The following SORCS2 variants were observed in gnomAD, a reference collection of about 807,000 sequenced individuals.
The protein encoded by SORCS2 is VPS10 domain-containing receptor SorCS2.
SORCS2 carries 100 observed loss-of-function variants against 141.6 expected under a neutral mutation model. That is an observed-to-expected ratio of 0.71 (90% confidence interval 0.60 to 0.83). SORCS2 has a LOEUF of 0.83. Ranked by LOEUF, SORCS2 falls within the 40% of genes least tolerant of loss-of-function variation. SORCS2 has a pLI of 0.00. For synonymous variants in SORCS2, 789 were observed against 676.9 expected, an observed-to-expected ratio of 1.17 and a Z score of -2.57; for missense variants, 1,646 against 1,560.2, an observed-to-expected ratio of 1.05 and a Z score of -0.93.
chr4:7,639,943 T>C (rs6832245), intron 4 of SORCS2, among the ~76,000 whole-genome samples: 1,238 of 14,816 alleles, frequency 0.084, 7 homozygotes, highest in East Asian at 0.27. Flanking sequence ...ATGTCTGTGT[T>C]TGTGAGAATG....
intron 1 of SORCS2, among the ~76,000 whole-genome samples, chr4:7,302,965 G>T (rs1007708037): frequency 6.6e-6 from 1 of 152,186 alleles, no homozygotes; most frequent in Non-Finnish European, 1.5e-5. Flanking sequence ...CGTGGGGGCC[G>T]CAGCCAAGCG....
chr4:7,666,354 A>G (rs79724072), intron 7 of SORCS2, among the ~76,000 whole-genome samples: 4,081 of 152,234 alleles, frequency 0.027, 170 homozygotes, highest in African/African-American at 0.091. Context: ...GGTGGGGGCC[A>G]CCGACTCCAT....
chr4:7,399,178 G>A (rs1232516684), intron 2 of SORCS2, among the ~76,000 whole-genome samples: 1 of 151,946 alleles, frequency 6.6e-6, no homozygotes, highest in Non-Finnish European at 1.5e-5. Context: ...TGGGACTCAC[G>A]CCGGAAGATG....
At chr4:7,469,267 G>A (rs1185558027) in intron 2 of SORCS2, among the ~76,000 whole-genome samples, 4 of 151,612 alleles carry the variant, frequency 2.6e-5, no homozygotes, top group Non-Finnish European at 4.4e-5. Flanking sequence ...GGTAATGGTG[G>A]TGTTGGTGAT....
At chr4:7,254,290 T>C (rs1349143415) in intron 1 of SORCS2, among the ~76,000 whole-genome samples, 1 of 152,192 alleles carries the variant, frequency 6.6e-6, no homozygotes, top group African/African-American at 2.4e-5. Flanking sequence ...CCATGATGAA[T>C]GGATAAAGGA....
chr4:7,433,282 G>C, intron 2 of SORCS2: 1 of 1,355,678 alleles, frequency 7.4e-7, no homozygotes, highest in Non-Finnish European at 9.5e-7. Flanking sequence ...CATGGGCCTC[G>C]CTAGCAGGCT....
chr4:7,687,322 G>A (rs182906115), intron 10 of SORCS2, among the ~76,000 whole-genome samples: 5 of 152,270 alleles, frequency 3.3e-5, no homozygotes, highest in East Asian at 1.9e-4. Context: ...TCAGCAAGTC[G>A]CCTCTGTCTT....
chr4:7,405,987 C>G (rs9994727), intron 2 of SORCS2, among the ~76,000 whole-genome samples: 58,675 of 151,782 alleles, frequency 0.39, 12,186 homozygotes, highest in East Asian at 0.51. Context: ...TTGTATATAG[C>G]CTTTATTATT....
At chr4:7,501,238 C>T (rs1463274110) in intron 2 of SORCS2, among the ~76,000 whole-genome samples, 3 of 152,334 alleles carry the variant, frequency 2.0e-5, no homozygotes, top group East Asian at 1.9e-4. Flanking sequence ...CCCACGCCCT[C>T]GTGGGCCAGT....
chr4:7,403,985 ATATATATATATATTTTTTT>A (rs1318459532), intron 2 of SORCS2, among the ~76,000 whole-genome samples: 1 of 70,122 alleles, frequency 1.4e-5, no homozygotes, highest in African/African-American at 7.5e-5. Context: ...ATATATATAT[ATATATATATATATTTTTTT>A]TTTTTTTTTA....
intron 1 of SORCS2, among the ~76,000 whole-genome samples, chr4:7,265,654 T>G (rs1385614911): frequency 6.6e-6 from 1 of 152,184 alleles, no homozygotes; most frequent in Non-Finnish European, 1.5e-5. Flanking sequence ...CCCTGTCTTC[T>G]TGTCTGTGTC....
intron 1 of SORCS2, among the ~76,000 whole-genome samples, chr4:7,260,047 C>A (rs56255567): frequency 1.3e-5 from 2 of 152,092 alleles, no homozygotes; most frequent in African/African-American, 2.4e-5. Flanking sequence ...TCTCACTCCC[C>A]TCTCCTGCCC....
chr4:7,705,678 C>G (rs1022904239), intron 14 of SORCS2, among the ~76,000 whole-genome samples: 3 of 152,242 alleles, frequency 2.0e-5, no homozygotes, highest in African/African-American at 7.2e-5. Flanking sequence ...TGGCTGGGTT[C>G]AGCAGGAAGT....
intron 2 of SORCS2, among the ~76,000 whole-genome samples, chr4:7,484,881 C>T (rs1314511629): frequency 6.6e-6 from 1 of 152,120 alleles, no homozygotes; most frequent in African/African-American, 2.4e-5. Flanking sequence ...CTCCTGCATC[C>T]AGCCCACCTC....
intron 1 of SORCS2, among the ~76,000 whole-genome samples, chr4:7,226,549 G>A (rs535584937): frequency 2.0e-4 from 30 of 152,294 alleles, no homozygotes; most frequent in African/African-American, 7.2e-4. Flanking sequence ...GGCGGGCAGA[G>A]GGGCTGTTTT....
intron 3 of SORCS2, among the ~76,000 whole-genome samples, chr4:7,616,590 C>T (rs565391950): frequency 7.9e-5 from 12 of 152,306 alleles, no homozygotes; most frequent in African/African-American, 1.4e-4. Flanking sequence ...TAAGGAGCCC[C>T]GATCTCTGTG....
At chr4:7,724,736 G>A (rs1577123427) in intron 19 of SORCS2, among the ~76,000 whole-genome samples, 1 of 119,040 alleles carries the variant, frequency 8.4e-6, no homozygotes, top group South Asian at 3.0e-4. Flanking sequence ...ATGGATGGTG[G>A]TAGTAGTGGT....
intron 2 of SORCS2, among the ~76,000 whole-genome samples, chr4:7,488,855 T>C (rs944392796): frequency 6.6e-6 from 1 of 152,260 alleles, no homozygotes; most frequent in Non-Finnish European, 1.5e-5. Context: ...AGCTGTTTCA[T>C]AAATGAGCCT....
chr4:7,275,809 A>G (rs1311109592), intron 1 of SORCS2, among the ~76,000 whole-genome samples: 1 of 152,166 alleles, frequency 6.6e-6, no homozygotes, highest in Non-Finnish European at 1.5e-5. Context: ...TCGTGATGCT[A>G]CTGCACTTCT....
Sources: allele counts gnomAD v4.1 joint callset (sites outside exome capture counted in the v4.1 genomes callset), GRCh38; gene constraint gnomAD v4.1.1; transcripts MANE v1.5; gene names NCBI Gene and HGNC (gene_info 2026-07-23, HGNC 2026-07-21).